Variants in ITGB1 observed in about 807,000 individuals in gnomAD.
ITGB1 encodes the protein integrin beta-1.
Under a neutral mutation model 86.5 loss-of-function variants are expected in ITGB1, and 24 were observed. The observed-to-expected ratio is 0.28, with a 90% CI of 0.20 to 0.39. The LOEUF (loss-of-function observed/expected upper bound fraction) is 0.39. Ranked by LOEUF, ITGB1 falls within the 10% of genes least tolerant of loss-of-function variation. ITGB1 has a pLI of 1.00. For synonymous variants in ITGB1, 323 were observed against 316.8 expected (o/e 1.02, Z -0.21); for missense variants, 556 against 946.9 (o/e 0.59, Z 5.42).
At chr10:32,902,001 C>T (rs2094883163) in intron 15 of ITGB1, among the ~76,000 whole-genome samples, 1 of 152,174 alleles carries the variant, frequency 6.6e-6, no homozygotes, top group Non-Finnish European at 1.5e-5. Flanking sequence ...CCGCTGCCAT[C>T]ACTGCCTGAT....
At chr10:32,903,157 G>A (rs1213796052) in intron 15 of ITGB1, among the ~76,000 whole-genome samples, 1 of 151,748 alleles carries the variant, frequency 6.6e-6, no homozygotes, top group African/African-American at 2.4e-5. Context: ...TTTGAGATCA[G>A]CCTGGCCAAC....
At chr10:32,916,435 A>G (rs996916616) in intron 11 of ITGB1, among the ~76,000 whole-genome samples, 2 of 152,234 alleles carry the variant, frequency 1.3e-5, no homozygotes, top group African/African-American at 4.8e-5. Flanking sequence ...GTATATTTAG[A>G]AAACCCCATC....
chr10:32,909,432 G>C (rs73251117), intron 14 of ITGB1, among the ~76,000 whole-genome samples: 5,814 of 152,162 alleles, frequency 0.038, 383 homozygotes, highest in African/African-American at 0.13. Flanking sequence ...GTTAGGCAGA[G>C]TTCTTAAAGA....
rs1476371208 is a variant in ITGB1 at position 32,922,710 on chromosome 10, A to G, written c.968T>C (p.Val323Ala). ...AATATTATTTTCACTCAGTTTCTGG[A>G]CAAGGTGAGCAATAGAAGGATAATC... ...YYDYPSIAHL[V>A]QKLSENNIQT... Residue 323 changes from valine to alanine, a missense_variant, in exon 8 of 16, where the codon GTC becomes GCC. Val to Ala is a moderately conservative substitution (Grantham distance 64). Coordinates refer to ENST00000302278, the MANE Select transcript of ITGB1 (RefSeq NM_002211.4). 1 of 1,602,066 alleles carries G rather than the reference A, an allele frequency of 6.2e-7. No homozygotes were observed. The highest frequency in any genetic ancestry group is 2.2e-5 in the East Asian group (1 of 44,656).
Position 32,919,505 on chromosome 10 carries a change from C to T in ITGB1, c.1469+380G>A, listed in dbSNP as rs564537140. Among the ~76,000 whole-genome samples the T allele has an allele frequency of 4.6e-5, 7 of 152,276 alleles. No homozygotes were observed. The South Asian group carries it at 1.0e-3, about 23-fold the overall frequency. On this transcript the variant is annotated intron_variant, in intron 11 of 15. Coordinates refer to ENST00000302278, the MANE Select transcript of ITGB1 (RefSeq NM_002211.4). ...CTGCTTCATAATTCCATTTCCCAGA[C>T]GAAATCGCCATCATCGGTTTGATGT...
At chr10:32,935,125 G>T (rs2094997051) in intron 2 of ITGB1, among the ~76,000 whole-genome samples, 1 of 152,320 alleles carries the variant, frequency 6.6e-6, no homozygotes, top group Non-Finnish European at 1.5e-5. Flanking sequence ...AGTCTTTGCA[G>T]ATAATAATGG....
intron 1 of ITGB1, among the ~76,000 whole-genome samples, chr10:32,938,193 A>G (rs1394199661): frequency 6.6e-6 from 1 of 152,246 alleles, no homozygotes; most frequent in Non-Finnish European, 1.5e-5. Context: ...TAGTAAATCC[A>G]TTAGACTATA....
chr10:32,922,620 T>C lies in ITGB1; in HGVS notation c.1038+20A>G. ...ATCAAAAATGTTTAGAATCTTGTTC[T>C]TTTTATCTCACACATTTACCTTGTA... On this transcript the variant is annotated intron_variant, in intron 8 of 15. Coordinates refer to ENST00000302278, the MANE Select transcript of ITGB1 (RefSeq NM_002211.4). 7.1e-7 allele frequency: 1 copy of C among 1,406,736 alleles called. No individual in the cohort carries two copies. The highest frequency in any genetic ancestry group is 1.0e-6 in the Non-Finnish European group (1 of 1,002,656). 87.1% of individuals were successfully genotyped at this position (1,406,736 alleles called of 1,614,324 possible). A position where few individuals can be genotyped will look rare whatever the true frequency, so the allele number is the denominator to read the frequency against.
intron 1 of ITGB1, among the ~76,000 whole-genome samples, chr10:32,943,246 A>C (rs1436211803): frequency 1.3e-5 from 2 of 152,212 alleles, no homozygotes; most frequent in Non-Finnish European, 2.9e-5. Flanking sequence ...GCTCTTAAAC[A>C]TTATGAAACC....
At chr10:32,903,040 T>C (rs2094885845) in intron 15 of ITGB1, among the ~76,000 whole-genome samples, 1 of 152,026 alleles carries the variant, frequency 6.6e-6, no homozygotes, top group Non-Finnish European at 1.5e-5. Flanking sequence ...TAGAAATACA[T>C]ACAGTTCAGA....
intron 15 of ITGB1, among the ~76,000 whole-genome samples, chr10:32,907,546 T>G (rs2094900233): frequency 6.6e-6 from 1 of 152,130 alleles, no homozygotes. Flanking sequence ...AAGTACATAG[T>G]TCTGTGAGTT....
intron 1 of ITGB1, among the ~76,000 whole-genome samples, chr10:32,950,635 C>T (rs539206841): frequency 6.6e-6 from 1 of 152,230 alleles, no homozygotes; most frequent in South Asian, 2.1e-4. Context: ...AAGTCCTCTT[C>T]TCCTCTCCTT....
At chr10:32,905,957 A>G (rs1181709690) in intron 15 of ITGB1, among the ~76,000 whole-genome samples, 1 of 152,212 alleles carries the variant, frequency 6.6e-6, no homozygotes, top group Non-Finnish European at 1.5e-5. Flanking sequence ...AGGGGCTTGC[A>G]TGATTTTATT....
chr10:32,907,832 T>G (rs950864671), intron 15 of ITGB1, among the ~76,000 whole-genome samples: 3 of 152,046 alleles, frequency 2.0e-5, no homozygotes, highest in Non-Finnish European at 2.9e-5. Flanking sequence ...TAAAAAAAAG[T>G]TACCAAAAAA....
At chr10:32,905,775 T>C (rs767070395) in intron 15 of ITGB1, among the ~76,000 whole-genome samples, 14 of 152,218 alleles carry the variant, frequency 9.2e-5, no homozygotes, top group South Asian at 4.1e-4. Flanking sequence ...GTGATTTTTA[T>C]GTAAGTGTTC....
chr10:32,920,098 A>AG lies in ITGB1; in HGVS notation c.1270-15_1270-14insC. On this transcript the variant is annotated splice_polypyrimidine_tract_variant and intron_variant, in intron 10 of 15. Transcript: ENST00000302278. Reference sequence around the variant, plus strand: ...TTCAAATTGAACCTTGAAGGGAAAAAAAAGATTAACAACCAACTAAACAAT... The same window carrying AG: ...TTCAAATTGAACCTTGAAGGGAAAAAGAAAGATTAACAACCAACTAAACAAT... 6.2e-7 allele frequency: 1 copy of AG among 1,606,598 alleles called. No individual in the cohort carries two copies. Among genetic ancestry groups the AG allele is most frequent in the East Asian group, 2.2e-5 (1 of 44,840 alleles).
intron 15 of ITGB1, among the ~76,000 whole-genome samples, chr10:32,903,859 ATT>A (rs2094889138): frequency 6.6e-6 from 1 of 152,188 alleles, no homozygotes; most frequent in South Asian, 2.1e-4. Flanking sequence ...TACACTCCAC[ATT>A]TATATCCTAT....
intron 11 of ITGB1, among the ~76,000 whole-genome samples, chr10:32,915,080 A>T (rs1042021953): frequency 7.2e-5 from 11 of 152,248 alleles, no homozygotes; most frequent in Non-Finnish European, 1.3e-4. Context: ...ATACATAACA[A>T]AATGAAGGCA....
chr10:32,903,489 A>G (rs976689815), intron 15 of ITGB1, among the ~76,000 whole-genome samples: 3 of 151,906 alleles, frequency 2.0e-5, no homozygotes, highest in Non-Finnish European at 2.9e-5. Context: ...TCCCATACCA[A>G]TGAGGGAAAA....
Sources: gnomAD v4.1 joint callset for allele counts (sites outside exome capture counted in the v4.1 genomes callset) on GRCh38, gnomAD v4.1.1 for gene constraint, MANE v1.5 for transcripts, NCBI Gene and HGNC (gene_info 2026-07-23, HGNC 2026-07-21) for gene names.